Variants in ERC2 observed in about 807,000 individuals in gnomAD.
The protein encoded by ERC2 is ELKS/RAB6-interacting/CAST family member 2.
Under a neutral mutation model 114.8 loss-of-function variants are expected in ERC2, and 42 were observed. The observed-to-expected ratio is 0.37, with a 90% CI of 0.29 to 0.47. ERC2 has a LOEUF of 0.47. Among genes scored for constraint, ERC2 ranks in the 20% least tolerant of loss-of-function variants. ERC2 has a pLI of 0.99. For synonymous variants in ERC2, 454 were observed against 425.5 expected (o/e 1.07, Z -0.82); for missense variants, 939 against 1,150.7 (o/e 0.82, Z 2.66).
chr3:55,570,516 G>A (rs1021604936), intron 17 of ERC2, among the ~76,000 whole-genome samples: 7 of 152,096 alleles, frequency 4.6e-5, no homozygotes, highest in Non-Finnish European at 4.4e-5. Context: ...GGAGGGCCAG[G>A]GGGAGCTGCA....
intron 3 of ERC2, among the ~76,000 whole-genome samples, chr3:56,275,608 C>G (rs1478938012): frequency 6.6e-6 from 1 of 152,166 alleles, no homozygotes; most frequent in Admixed American, 6.5e-5. Context: ...CATCTCAGAC[C>G]TTCATGTGTC....
intron 5 of ERC2, among the ~76,000 whole-genome samples, chr3:56,143,421 T>A (rs1038058509): frequency 5.9e-5 from 9 of 152,010 alleles, no homozygotes. Context: ...CAGCAGGAGG[T>A]AATTGAATCA....
At chr3:55,927,698 C>T (rs1180969191) in intron 13 of ERC2, among the ~76,000 whole-genome samples, 1 of 152,076 alleles carries the variant, frequency 6.6e-6, no homozygotes, top group African/African-American at 2.4e-5. Context: ...CTTATTCATC[C>T]TATCTAACTA....
intron 15 of ERC2, among the ~76,000 whole-genome samples, chr3:55,700,595 G>C (rs1286204231): frequency 6.6e-6 from 1 of 152,206 alleles, no homozygotes; most frequent in East Asian, 1.9e-4. Context: ...GTTGTTTGCT[G>C]TAAGACATTT....
intron 14 of ERC2, among the ~76,000 whole-genome samples, chr3:55,874,622 G>A (rs758384670): frequency 3.9e-5 from 6 of 152,004 alleles, no homozygotes; most frequent in Admixed American, 6.6e-5. Context: ...ATCTGACCGC[G>A]GCACCATGGC....
At chr3:56,021,736 C>T (rs1021666979) in intron 7 of ERC2, among the ~76,000 whole-genome samples, 1 of 152,180 alleles carries the variant, frequency 6.6e-6, no homozygotes, top group African/African-American at 2.4e-5. Flanking sequence ...CTTCCCCACT[C>T]AAGTGGACCC....
chr3:56,380,622 G>A (rs576395876), intron 2 of ERC2, among the ~76,000 whole-genome samples: 3 of 152,254 alleles, frequency 2.0e-5, no homozygotes, highest in South Asian at 2.1e-4. Flanking sequence ...TATGGAGAAC[G>A]AGTCCTCAAA....
intron 6 of ERC2, among the ~76,000 whole-genome samples, chr3:56,130,149 G>A (rs2080118656): frequency 6.6e-6 from 1 of 152,164 alleles, no homozygotes; most frequent in Non-Finnish European, 1.5e-5. Flanking sequence ...AAAATAAGGT[G>A]TTTGTGGTTT....
intron 14 of ERC2, among the ~76,000 whole-genome samples, chr3:55,863,665 A>G (rs992171751): frequency 2.6e-5 from 4 of 152,204 alleles, no homozygotes; most frequent in African/African-American, 9.7e-5. Flanking sequence ...AGCACTGTCA[A>G]ATAGAAATAC....
intron 17 of ERC2, among the ~76,000 whole-genome samples, chr3:55,626,568 A>G (rs1462313973): frequency 1.3e-5 from 2 of 152,268 alleles, no homozygotes; most frequent in Admixed American, 1.3e-4. Flanking sequence ...TTTACTGAAT[A>G]AAGCCCAAGC....
chr3:56,408,026 A>G (rs932672981), intron 2 of ERC2, among the ~76,000 whole-genome samples: 5 of 152,160 alleles, frequency 3.3e-5, no homozygotes, highest in Non-Finnish European at 7.3e-5. Flanking sequence ...GGCTTATAGC[A>G]CCTTGAACAT....
intron 3 of ERC2, among the ~76,000 whole-genome samples, chr3:56,214,146 T>G (rs1045713464): frequency 9.8e-5 from 15 of 152,314 alleles, no homozygotes; most frequent in Admixed American, 9.1e-4. Flanking sequence ...GGACAGAGAA[T>G]GACTTTGACG....
intron 3 of ERC2, among the ~76,000 whole-genome samples, chr3:56,265,402 T>A (rs1388152463): frequency 6.6e-6 from 1 of 152,198 alleles, no homozygotes; most frequent in Non-Finnish European, 1.5e-5. Flanking sequence ...GATATCCATA[T>A]GCAGAAGAAT....
Position 55,810,739 on chromosome 3 carries a change from C to T in ERC2, c.2565-75821G>A, listed in dbSNP as rs886565278. Among the ~76,000 whole-genome samples, 7 of 152,114 alleles carry T rather than the reference C, an allele frequency of 4.6e-5. No homozygotes were observed. In the East Asian group the frequency reaches 5.8e-4, roughly 13 times the overall value. Reference sequence around the variant, plus strand: ...CCTCCCTAAGTGGTGAGATTACAGGCGTGAGCCACCACACTTGGCCTAGAA... The same window carrying T: ...CCTCCCTAAGTGGTGAGATTACAGGTGTGAGCCACCACACTTGGCCTAGAA... On this transcript the variant is annotated intron_variant, in intron 14 of 17. Transcript: ENST00000288221.
intron 17 of ERC2, among the ~76,000 whole-genome samples, chr3:55,609,861 A>G (rs766887910): frequency 6.6e-6 from 1 of 151,880 alleles, no homozygotes; most frequent in Non-Finnish European, 1.5e-5. Context: ...CTCTCCTTGG[A>G]GCTCAGACAG....
intron 15 of ERC2, among the ~76,000 whole-genome samples, chr3:55,700,681 T>C (rs747689023): frequency 2.0e-5 from 3 of 152,198 alleles, no homozygotes; most frequent in Non-Finnish European, 4.4e-5. Context: ...AACTTCTATG[T>C]CTGGCTAACT....
chr3:56,328,672 C>T (rs1307191112), intron 2 of ERC2, among the ~76,000 whole-genome samples: 3 of 152,140 alleles, frequency 2.0e-5, no homozygotes, highest in African/African-American at 7.2e-5. Flanking sequence ...ATCCTAACTA[C>T]TTTGAGAGGG....
intron 3 of ERC2, among the ~76,000 whole-genome samples, chr3:56,285,932 G>C (rs1488679459): frequency 6.6e-6 from 1 of 152,176 alleles, no homozygotes; most frequent in African/African-American, 2.4e-5. Flanking sequence ...TTCTTTTGGA[G>C]TTTGAATGGC....
intron 15 of ERC2, among the ~76,000 whole-genome samples, chr3:55,722,550 T>A (rs1417555251): frequency 2.3e-4 from 35 of 152,194 alleles, no homozygotes; most frequent in Non-Finnish European, 1.3e-4. Context: ...TCGTGCAACA[T>A]GCCCTACATT....
Sources: allele counts gnomAD v4.1 joint callset (sites outside exome capture counted in the v4.1 genomes callset), GRCh38; gene constraint gnomAD v4.1.1; transcripts MANE v1.5; gene names NCBI Gene and HGNC (gene_info 2026-07-23, HGNC 2026-07-21).